The following SSPN variants were observed in gnomAD, a reference collection of about 807,000 sequenced individuals.
The protein encoded by SSPN is sarcospan.
In SSPN, 15 loss-of-function variants were observed where a neutral mutation model predicts 19.1. That is an observed-to-expected ratio of 0.78 (90% CI 0.52 to 1.21). The LOEUF (loss-of-function observed/expected upper bound fraction) is 1.21. SSPN is among the 50% of genes most tolerant of loss of function. The pLI, the probability that SSPN is intolerant of heterozygous loss-of-function variation, is 0.00. For missense variants in SSPN, 291 were observed against 314.0 expected, an observed-to-expected ratio of 0.93 and a Z score of 0.55; for synonymous variants, 147 against 140.3, an observed-to-expected ratio of 1.05 and a Z score of -0.34.
intron 1 of SSPN, chr12:26,122,164 C>T: frequency 6.5e-7 from 1 of 1,535,884 alleles, no homozygotes; most frequent in Non-Finnish European, 8.8e-7. Context: ...TGGGTGCGGC[C>T]GTGCGGGTGC....
upstream of SSPN, among the ~76,000 whole-genome samples, chr12:26,190,989 T>A (rs554760776): frequency 1.3e-5 from 2 of 152,356 alleles, no homozygotes; most frequent in East Asian, 3.9e-4. Context: ...AAAACTTTTA[T>A]ACAAATGGAA....
chr12:26,175,333 T>C (rs1232005947), intron 1 of SSPN, among the ~76,000 whole-genome samples: 3 of 152,238 alleles, frequency 2.0e-5, no homozygotes, highest in Non-Finnish European at 1.5e-5. Flanking sequence ...TTATTTGCCA[T>C]GTATCTTCTC....
chr12:26,122,978 C>A, intron 1 of SSPN: 1 of 1,564,902 alleles, frequency 6.4e-7, no homozygotes, highest in East Asian at 2.4e-5. Context: ...GTTGAGTCAA[C>A]AGCTGCGGGG....
At chr12:26,151,891 T>C (rs1944527868) in intron 1 of SSPN, among the ~76,000 whole-genome samples, 1 of 152,178 alleles carries the variant, frequency 6.6e-6, no homozygotes, top group Non-Finnish European at 1.5e-5. Flanking sequence ...ATTTTTCTCA[T>C]CCAATGCGGT....
At chr12:26,123,254 T>C in intron 1 of SSPN, 1 of 1,459,516 alleles carries the variant, frequency 6.9e-7, no homozygotes, top group Non-Finnish European at 9.1e-7. Context: ...GCTTATCACG[T>C]GGGCCCTGCA....
At chr12:26,157,492 A>G (rs1944562771) in intron 1 of SSPN, among the ~76,000 whole-genome samples, 1 of 152,166 alleles carries the variant, frequency 6.6e-6, no homozygotes, top group African/African-American at 2.4e-5. Flanking sequence ...ACAAAAATTC[A>G]CACTGGATAT....
In SSPN at chr12:26,230,886, TGACG is replaced by T; in HGVS notation, c.546_549del (p.Asp183ValfsTer16). On this transcript the variant is annotated frameshift_variant, in exon 3 of 3. Transcript: ENST00000242729. LOFTEE classifies it high-confidence loss of function. ...AGCAGGACCTTTGTTTACCGGGATG[TGACG>T]GACTGTACCAGCGTCACTGGCACTT... is the stretch of plus-strand genomic sequence containing the variant. 1 of 1,614,196 alleles carries T rather than the reference TGACG, an allele frequency of 6.2e-7. No homozygotes were observed. Among genetic ancestry groups the T allele is most frequent in the Non-Finnish European group, 8.5e-7 (1 of 1,180,030 alleles).
Position 26,195,772 on chromosome 12 carries a change from G to T in SSPN, c.100G>T (p.Gly34Trp). ...PDDMEPKKGT[G>W]APKECGEEEP... ...CGACATGGAGCCGAAGAAGGGCACG[G>T]GGGCCCCCAAGGAGTGCGGGGAGGA... Residue 34 changes from glycine to tryptophan, a missense_variant, in exon 1 of 3, where the codon GGG (glycine) becomes TGG (tryptophan). This residue lies in a region of SSPN where 139 missense variants were observed against 119.6 expected (regional missense o/e 1.16). Transcript: ENST00000242729. 1 of 1,506,604 alleles carries T rather than the reference G, an allele frequency of 6.6e-7. No individual in the cohort carries two copies. The allele number at this position is 1,506,604 out of a possible 1,614,324, so 93.3% of individuals were successfully genotyped here.
At chr12:26,228,065 T>C (rs1032009202) in intron 2 of SSPN, among the ~76,000 whole-genome samples, 11 of 152,220 alleles carry the variant, frequency 7.2e-5, no homozygotes, top group Admixed American at 7.2e-4. Flanking sequence ...TTATTGTCAT[T>C]GCTTCAAGAT....
At chr12:26,152,952 G>T (rs1437261052) in intron 1 of SSPN, among the ~76,000 whole-genome samples, 1 of 152,154 alleles carries the variant, frequency 6.6e-6, no homozygotes, top group African/African-American at 2.4e-5. Context: ...CACACCTGTT[G>T]TGTAGCTGCC....
At chr12:26,153,206 G>A (rs1479487972) in intron 1 of SSPN, among the ~76,000 whole-genome samples, 1 of 152,194 alleles carries the variant, frequency 6.6e-6, no homozygotes, top group African/African-American at 2.4e-5. Flanking sequence ...TTAAATGGAA[G>A]TGCTGTAGTA....
intron 1 of SSPN, chr12:26,122,315 T>C: frequency 8.8e-7 from 1 of 1,142,252 alleles, no homozygotes; most frequent in Non-Finnish European, 1.1e-6. Flanking sequence ...CGGCGGCGGC[T>C]GCCGCGGCTG....
chr12:26,143,523 G>C (rs1944472638), intron 1 of SSPN, among the ~76,000 whole-genome samples: 2 of 152,220 alleles, frequency 1.3e-5, no homozygotes, highest in Admixed American at 6.5e-5. Context: ...CTGCAGAGCT[G>C]GTGTTTTAAG....
At chr12:26,133,456 T>C (rs1222262639) in intron 1 of SSPN, among the ~76,000 whole-genome samples, 2 of 152,186 alleles carry the variant, frequency 1.3e-5, no homozygotes, top group African/African-American at 4.8e-5. Flanking sequence ...TCTTCCCTGC[T>C]TTTAACAGTT....
At chr12:26,161,985 G>A (rs535852639) in intron 1 of SSPN, among the ~76,000 whole-genome samples, 194 of 152,298 alleles carry the variant, frequency 1.3e-3, no homozygotes, top group African/African-American at 4.4e-3. Flanking sequence ...TCCGTGGCCC[G>A]GGGGTTGGGG....
At chr12:26,211,939 G>A (rs1944991619) in intron 1 of SSPN, among the ~76,000 whole-genome samples, 2 of 152,156 alleles carry the variant, frequency 1.3e-5, no homozygotes, top group African/African-American at 4.8e-5. Flanking sequence ...AAAGCGCTTT[G>A]GCTTGGCACA....
chr12:26,188,745 G>GCACT (rs1427907126), intron 1 of SSPN, among the ~76,000 whole-genome samples: 1 of 152,146 alleles, frequency 6.6e-6, no homozygotes, highest in East Asian at 1.9e-4. Flanking sequence ...ACTGTGCTAG[G>GCACT]CACTGTAGGA....
chr12:26,135,334 A>C (rs1408485196), intron 1 of SSPN, among the ~76,000 whole-genome samples: 1 of 152,142 alleles, frequency 6.6e-6, no homozygotes, highest in Non-Finnish European at 1.5e-5. Flanking sequence ...GCACTGTGCC[A>C]GGATGTAGGA....
At chr12:26,180,150 T>G (rs186570415) in intron 1 of SSPN, 23 of 152,232 alleles carry the variant, frequency 1.5e-4, no homozygotes, top group African/African-American at 5.3e-4. Context: ...AGTTGATGAA[T>G]TTATGTTTCA....
Sources: allele counts gnomAD v4.1 joint callset (sites outside exome capture counted in the v4.1 genomes callset), GRCh38; gene constraint gnomAD v4.1.1; regional missense constraint gnomAD v4.1.1; transcripts MANE v1.5; gene names NCBI Gene and HGNC (gene_info 2026-07-23, HGNC 2026-07-21).